The following RXFP1 variants were observed in gnomAD, a reference collection of about 807,000 sequenced individuals.
RXFP1 encodes relaxin family peptide receptor 1, also known as relaxin receptor 1.
In RXFP1, 73 loss-of-function variants were observed where a neutral mutation model predicts 89.8. That is an observed-to-expected ratio of 0.81 (90% CI 0.67 to 0.99). The LOEUF is 0.99. Among genes scored for constraint, RXFP1 ranks in the 50% least tolerant of loss-of-function variants. The pLI is 0.00. For missense variants in RXFP1, 793 were observed against 895.5 expected, an observed-to-expected ratio of 0.89 and a Z score of 1.46; for synonymous variants, 277 against 305.5, an observed-to-expected ratio of 0.91 and a Z score of 0.97.
Position 158,605,107 on chromosome 4 carries a change from T to C in RXFP1, c.432T>C (p.Asp144=). ...QWNLIRKLPP[D]CFKNYHDLQK... ...ACTTAATAAGAAAGCTTCCTCCTGA[T>C]TGCTTCAAGAATTATCATGATCTTC... The change falls in exon 5 of 18, where the codon GAT becomes GAC. Residue 144 remains aspartate, a synonymous_variant. Transcript: ENST00000307765. The C allele has an allele frequency of 1.9e-6, 3 of 1,596,572 alleles. No individual in the cohort carries two copies. The South Asian group carries it at 3.4e-5, about 18-fold the overall frequency.
rs777736066 is a variant in RXFP1 at position 158,651,968 on chromosome 4, A to G, written c.2187A>G (p.Pro729=). ...WVEMWPLQEM[P]PELMKPDLFT... ...AAATGTGGCCACTGCAGGAGATGCC[A>G]CCTGAGTTAATGAAGCCGGACCTTT... The change falls in exon 18 of 18, where the codon CCA becomes CCG. Residue 729 remains proline (P), a synonymous_variant. Coordinates refer to ENST00000307765, the MANE Select transcript of RXFP1 (RefSeq NM_021634.4). 3 of 1,614,044 alleles carry G rather than the reference A, an allele frequency of 1.9e-6. No individual in the cohort carries two copies. The highest frequency in any genetic ancestry group is 2.5e-6 in the Non-Finnish European group (3 of 1,180,008).
At chr4:158,601,366 A>G (rs1761658875) in intron 4 of RXFP1, among the ~76,000 whole-genome samples, 2 of 152,138 alleles carry the variant, frequency 1.3e-5, no homozygotes, top group South Asian at 4.1e-4. Flanking sequence ...ACTGAGGAAG[A>G]TGGGGACTCT....
At chr4:158,581,177 G>A (rs1016216442) in intron 2 of RXFP1, among the ~76,000 whole-genome samples, 9 of 152,122 alleles carry the variant, frequency 5.9e-5, no homozygotes, top group African/African-American at 2.2e-4. Flanking sequence ...AAAATTAATA[G>A]TGTCTTATAT....
At chr4:158,574,946 A>G (rs1322347927) in intron 2 of RXFP1, among the ~76,000 whole-genome samples, 2 of 152,214 alleles carry the variant, frequency 1.3e-5, no homozygotes, top group Admixed American at 6.5e-5. Flanking sequence ...TTTTAATTAG[A>G]TGAAACAGTG....
chr4:158,521,914 C>G lies in RXFP1; in HGVS notation c.-63C>G, dbSNP rs758773145. On this transcript the variant is annotated 5_prime_UTR_variant, in exon 1 of 18. Coordinates refer to ENST00000307765, the MANE Select transcript of RXFP1 (RefSeq NM_021634.4). ...GCACACAACCACTGTGAGCTGTATGCGATTCAGAAACCAAGACCAAATTTT... is the reference window on the plus strand; with the variant it reads ...GCACACAACCACTGTGAGCTGTATGGGATTCAGAAACCAAGACCAAATTTT... 3 of 1,083,896 alleles carry G rather than the reference C, an allele frequency of 2.8e-6. No individual in the cohort carries two copies. Among genetic ancestry groups the G allele is most frequent in the Non-Finnish European group, 4.2e-6 (3 of 707,176 alleles). The allele number at this position is 1,083,896 out of a possible 1,614,324, so 67.1% of individuals were successfully genotyped here.
chr4:158,639,211 C>A, intron 13 of RXFP1, 49 bp from the exon 14 acceptor site: 1 of 1,009,788 alleles, frequency 9.9e-7, no homozygotes. Context: ...TTTATTAAAC[C>A]ATGTATAATA....
At chr4:158,615,950 T>C (rs1280560261) in intron 8 of RXFP1, among the ~76,000 whole-genome samples, 1 of 151,470 alleles carries the variant, frequency 6.6e-6, no homozygotes, top group Non-Finnish European at 1.5e-5. Flanking sequence ...AGACCCTGAC[T>C]CAAAAAAAGG....
At position 158,652,245 on chromosome 4, in the gene RXFP1, T is replaced by C; in HGVS notation, c.*190T>C. On this transcript the variant is annotated 3_prime_UTR_variant, in exon 18 of 18. Transcript: ENST00000307765. ...GAAGTAATTATATCAATAATGTATA[T>C]ATATTAGTAGACATTTTGCATAAGA... The C allele has an allele frequency of 1.9e-6, 1 of 515,124 alleles. No individual in the cohort carries two copies. The highest frequency in any genetic ancestry group is 3.2e-5 in the East Asian group (1 of 31,744). 31.9% of individuals were successfully genotyped at this position (515,124 alleles called of 1,614,324 possible). A position where few individuals can be genotyped will look rare whatever the true frequency, so the allele number is the denominator to read the frequency against.
intron 15 of RXFP1, chr4:158,646,169 A>G (rs1271517440): frequency 7.0e-6 from 2 of 287,264 alleles, no homozygotes; most frequent in Non-Finnish European, 1.4e-5. Flanking sequence ...CTAAAAAGAG[A>G]CAGAAAAAGA....
At chr4:158,582,501 C>G (rs576313327) in intron 2 of RXFP1, among the ~76,000 whole-genome samples, 82 of 152,284 alleles carry the variant, frequency 5.4e-4, no homozygotes, top group African/African-American at 1.8e-3. Context: ...TCATCTCCTG[C>G]CTGTCTTAGG....
chr4:158,592,403 G>A (rs953270777), intron 2 of RXFP1, among the ~76,000 whole-genome samples: 6 of 151,394 alleles, frequency 4.0e-5, no homozygotes, highest in South Asian at 2.1e-4. Context: ...GTGAAACCCC[G>A]TCTCTACTAG....
chr4:158,600,311 G>A (rs1761445199), intron 4 of RXFP1, among the ~76,000 whole-genome samples: 1 of 152,070 alleles, frequency 6.6e-6, no homozygotes, highest in African/African-American at 2.4e-5. Flanking sequence ...TATGAGGTAA[G>A]AGCTACAACT....
chr4:158,563,564 G>A (rs1752936068), intron 1 of RXFP1, among the ~76,000 whole-genome samples: 1 of 149,976 alleles, frequency 6.7e-6, no homozygotes, highest in Non-Finnish European at 1.5e-5. Flanking sequence ...AAATAAATCT[G>A]ATTAACACAT....
chr4:158,579,108 G>A (rs1561055173), intron 2 of RXFP1, among the ~76,000 whole-genome samples: 1 of 151,034 alleles, frequency 6.6e-6, no homozygotes, highest in African/African-American at 2.4e-5. Flanking sequence ...GGCAGAGACT[G>A]GAGCGATGCT....
intron 1 of RXFP1, among the ~76,000 whole-genome samples, chr4:158,528,158 T>A (rs181679787): frequency 6.6e-6 from 1 of 152,246 alleles, no homozygotes; most frequent in African/African-American, 2.4e-5. Flanking sequence ...TACATCACCA[T>A]GTTTGCAGCC....
Position 158,651,971 on chromosome 4 carries a change from T to G in RXFP1, c.2190T>G (p.Pro730=), listed in dbSNP as rs564562229. The change falls in exon 18 of 18, where the codon CCT becomes CCG. Residue 730 remains proline, a synonymous_variant. Coordinates refer to ENST00000307765, the MANE Select transcript of RXFP1 (RefSeq NM_021634.4). ...VEMWPLQEMP[P]ELMKPDLFTY... is the part of the protein sequence containing the mutation. The stretch of plus-strand genomic sequence containing the variant: ...TGTGGCCACTGCAGGAGATGCCACC[T>G]GAGTTAATGAAGCCGGACCTTTTCA... 1 of 1,614,064 alleles carries G rather than the reference T, an allele frequency of 6.2e-7. No individual in the cohort carries two copies. Among genetic ancestry groups the G allele is most frequent in the Non-Finnish European group, 8.5e-7 (1 of 1,180,022 alleles).
chr4:158,526,563 T>A (rs1378715725), intron 1 of RXFP1, among the ~76,000 whole-genome samples: 1 of 152,170 alleles, frequency 6.6e-6, no homozygotes, highest in Non-Finnish European at 1.5e-5. Flanking sequence ...CAAAAATAAA[T>A]GTCAAATGGA....
intron 14 of RXFP1, among the ~76,000 whole-genome samples, chr4:158,641,144 A>T (rs565442081): frequency 1.4e-4 from 21 of 152,370 alleles, no homozygotes; most frequent in African/African-American, 5.0e-4. Context: ...GATGGCTTAT[A>T]AAAGATTCCT....
intron 1 of RXFP1, among the ~76,000 whole-genome samples, chr4:158,563,311 G>T (rs567979141): frequency 6.6e-6 from 1 of 152,088 alleles, no homozygotes; most frequent in African/African-American, 2.4e-5. Context: ...TTCTGAGTGG[G>T]TCCCCACACC....
Sources: allele counts gnomAD v4.1 joint callset (sites outside exome capture counted in the v4.1 genomes callset), GRCh38; gene constraint gnomAD v4.1.1; transcripts MANE v1.5; gene names NCBI Gene and HGNC (gene_info 2026-07-23, HGNC 2026-07-21).